ZNF280C: variants seen among roughly 807,000 people sequenced by gnomAD.
The protein encoded by ZNF280C is zinc finger protein 280C.
Under a neutral mutation model 53.6 loss-of-function variants are expected in ZNF280C, and 14 were observed. The ratio of observed to expected loss-of-function variants is 0.26; its 90% CI spans 0.17 to 0.41. The LOEUF (loss-of-function observed/expected upper bound fraction) is 0.41. Ranked by LOEUF, ZNF280C falls within the 10% of genes least tolerant of loss-of-function variation. The probability of loss-of-function intolerance (pLI) is 1.00; values close to 1 mark genes in which losing one functional copy is unlikely to be tolerated. For synonymous variants in ZNF280C, 203 were observed against 181.1 expected (o/e 1.12, Z -0.97); for missense variants, 416 against 547.1 (o/e 0.76, Z 2.39).
At chrX:130,251,423 G>A (rs934783027) in intron 2 of ZNF280C, among the ~76,000 whole-genome samples, 5 of 110,150 alleles carry the variant, frequency 4.5e-5, no homozygotes, top group South Asian at 3.8e-4. Context: ...TCTGACATTC[G>A]GCACAATACA....
intron 2 of ZNF280C, among the ~76,000 whole-genome samples, chrX:130,247,781 G>A (rs1224998153): frequency 9.0e-6 from 1 of 110,772 alleles, no homozygotes; most frequent in Non-Finnish European, 1.9e-5. Context: ...AGATATACTA[G>A]AAAAACGGAA....
At chrX:130,242,181 TG>T (rs1162609766) in intron 5 of ZNF280C, among the ~76,000 whole-genome samples, 2 of 109,465 alleles carry the variant, frequency 1.8e-5, no homozygotes, top group Non-Finnish European at 3.8e-5. Flanking sequence ...AGGCAGAGGT[TG>T]CAGAGAGCTG....
intron 16 of ZNF280C, among the ~76,000 whole-genome samples, chrX:130,208,626 C>T (rs1260844398): frequency 2.7e-5 from 3 of 111,559 alleles, no homozygotes; most frequent in African/African-American, 9.8e-5. Context: ...AAGCATTTTT[C>T]AGTAAAGGTA....
At chrX:130,259,191 A>G (rs964818587) in intron 2 of ZNF280C, among the ~76,000 whole-genome samples, 19 of 111,920 alleles carry the variant, frequency 1.7e-4, no homozygotes, top group Non-Finnish European at 3.0e-4. Flanking sequence ...TTCAACTCCA[A>G]AGTAAGCTCC....
intron 15 of ZNF280C, among the ~76,000 whole-genome samples, chrX:130,214,138 T>TC (rs1443603993): frequency 9.0e-6 from 1 of 111,325 alleles, no homozygotes; most frequent in African/African-American, 3.3e-5. Flanking sequence ...AATGGAACTA[T>TC]CTTAATTAGA....
intron 2 of ZNF280C, among the ~76,000 whole-genome samples, chrX:130,254,625 G>A (rs2032546424): frequency 9.0e-6 from 1 of 111,639 alleles, no homozygotes; most frequent in South Asian, 3.7e-4. Context: ...GATGGAGCTG[G>A]AGACCATTAT....
intron 2 of ZNF280C, among the ~76,000 whole-genome samples, chrX:130,252,531 C>T (rs759658010): frequency 2.0e-4 from 22 of 110,572 alleles, no homozygotes; most frequent in Non-Finnish European, 3.6e-4. Flanking sequence ...ACCATCCTGG[C>T]CAATATGGTG....
chrX:130,235,800 A>G (rs373792268), intron 8 of ZNF280C, among the ~76,000 whole-genome samples: 4 of 111,452 alleles, frequency 3.6e-5, no homozygotes, highest in African/African-American at 9.8e-5. Flanking sequence ...ATCTAACTGT[A>G]TATTTGTGCA....
chrX:130,248,447 T>C (rs1057481281), intron 2 of ZNF280C, among the ~76,000 whole-genome samples: 1 of 110,832 alleles, frequency 9.0e-6, no homozygotes, highest in African/African-American at 3.3e-5. Flanking sequence ...AGAGAAGTGG[T>C]AGAGGCAGCA....
At chrX:130,249,451 C>T (rs1312496837) in intron 2 of ZNF280C, among the ~76,000 whole-genome samples, 1 of 111,978 alleles carries the variant, frequency 8.9e-6, no homozygotes, top group Non-Finnish European at 1.9e-5. Flanking sequence ...GCACCTCAGT[C>T]CCCCTAGCAC....
intron 1 of ZNF280C, among the ~76,000 whole-genome samples, chrX:130,268,207 G>A (rs1017939443): frequency 2.7e-5 from 3 of 111,556 alleles, no homozygotes; most frequent in African/African-American, 9.8e-5. Flanking sequence ...ACAGAGAAGG[G>A]AAGTCCCTTT....
At chrX:130,209,189 T>TG (rs1215141926) in intron 16 of ZNF280C, among the ~76,000 whole-genome samples, 1 of 111,983 alleles carries the variant, frequency 8.9e-6, no homozygotes, top group Non-Finnish European at 1.9e-5. Flanking sequence ...CAAAGGAAGA[T>TG]GGAGTCAAAA....
intron 9 of ZNF280C, 151 bp from the exon 10 acceptor site, chrX:130,229,285 C>T (rs2083750520): frequency 8.9e-6 from 4 of 449,066 alleles, no homozygotes; most frequent in Non-Finnish European, 1.4e-5. Flanking sequence ...AAAGTGTGTA[C>T]TTTAAATAAT....
intron 12 of ZNF280C, among the ~76,000 whole-genome samples, chrX:130,225,134 G>A (rs1327035636): frequency 1.8e-5 from 2 of 110,742 alleles, no homozygotes; most frequent in Non-Finnish European, 3.8e-5. Flanking sequence ...CACAAAGTGG[G>A]TTCATTATGT....
chrX:130,246,522 GA>G (rs979221213), intron 3 of ZNF280C, among the ~76,000 whole-genome samples: 20 of 110,824 alleles, frequency 1.8e-4, no homozygotes, highest in Admixed American at 1.7e-3. Context: ...GTTTAAGGGA[GA>G]AAAAAAAATT....
rs959467815 is a variant in ZNF280C, at chrX:130,204,159, T to C, written c.*818A>G. 4 of 112,459 alleles carry C rather than the reference T, an allele frequency of 3.6e-5. No homozygotes were observed. The highest frequency in any genetic ancestry group is 7.5e-5 in the Non-Finnish European group (4 of 53,266). 9.3% of individuals were successfully genotyped at this position (112,459 alleles called of 1,213,427 possible). On this transcript the variant is annotated 3_prime_UTR_variant, in exon 19 of 19. Coordinates refer to ENST00000370978, the MANE Select transcript of ZNF280C (RefSeq NM_017666.5). ...TTTGATATTCCTTGGACTGCATGCC[T>C]GCTAGAGGAAAATTAAAGAGCAGCA...
At chrX:130,252,496 C>T (rs763051980) in intron 2 of ZNF280C, among the ~76,000 whole-genome samples, 129 of 110,974 alleles carry the variant, frequency 1.2e-3, no homozygotes, top group Non-Finnish European at 2.0e-3. Flanking sequence ...CCGAGGTGGG[C>T]GGATCACGAG....
intron 5 of ZNF280C, among the ~76,000 whole-genome samples, chrX:130,241,726 T>A (rs2124708943): frequency 8.9e-6 from 1 of 112,025 alleles, no homozygotes; most frequent in East Asian, 2.8e-4. Context: ...ATCATGCTAC[T>A]ACATTCCAGA....
chrX:130,247,804 A>G (rs759524024), intron 2 of ZNF280C, among the ~76,000 whole-genome samples: 25 of 110,968 alleles, frequency 2.3e-4, no homozygotes, highest in African/African-American at 7.5e-4. Context: ...AGATTCAGGT[A>G]TATCAGGCAC....
Sources: gnomAD v4.1 joint callset for allele counts (sites outside exome capture counted in the v4.1 genomes callset) on GRCh38, gnomAD v4.1.1 for gene constraint, MANE v1.5 for transcripts, NCBI Gene and HGNC (gene_info 2026-07-23, HGNC 2026-07-21) for gene names.